The following ARMH4 variants were observed in gnomAD, a reference collection of about 807,000 sequenced individuals.
ARMH4 encodes the protein armadillo-like helical domain-containing protein 4.
ARMH4 carries 49 observed loss-of-function variants against 61.9 expected under a neutral mutation model. The ratio of observed to expected loss-of-function variants is 0.79; its 90% CI spans 0.63 to 1.00. The LOEUF (loss-of-function observed/expected upper bound fraction) is 1.00, where lower values mean the gene tolerates loss of function less well. Ranked by LOEUF, ARMH4 falls within the 50% of genes least tolerant of loss-of-function variation. ARMH4 has a pLI of 0.00. For missense variants in ARMH4, 934 were observed against 930.0 expected (o/e 1.00, Z -0.06); for synonymous variants, 368 against 341.5 (o/e 1.08, Z -0.85).
intron 4 of ARMH4, among the ~76,000 whole-genome samples, chr14:58,114,215 G>C (rs1886447008): frequency 6.6e-6 from 1 of 152,124 alleles, no homozygotes; most frequent in Non-Finnish European, 1.5e-5. Flanking sequence ...GGAAGTCAGG[G>C]TGTGATACAA....
In ARMH4 at chr14:58,004,785, A is replaced by G; in HGVS notation, c.2276T>C (p.Met759Thr). The G allele has an allele frequency of 1.2e-6, 2 of 1,611,724 alleles. No individual in the cohort carries two copies. Among genetic ancestry groups the G allele is most frequent in the Non-Finnish European group, 1.7e-6 (2 of 1,177,994 alleles). ...HKRKQREFNS[M>T]QDRVMLLADS... ...GGCTAAGAGCATTACTCGATCTTGC[A>G]TGCTGTTGAATTCTCTCTGCTAGAG... Residue 759 changes from methionine (M) to threonine (T), a missense_variant, in exon 8 of 8, where the codon ATG becomes ACG. Physicochemically the swap from Met to Thr is moderately conservative, Grantham distance 81. Transcript: ENST00000267485.
Position 58,128,246 on chromosome 14 carries a change from CTAATCAGAAATTT to C in ARMH4, c.1831+3253_1831+3265del, listed in dbSNP as rs370922581. On this transcript the variant is annotated intron_variant, in intron 4 of 7. Transcript: ENST00000267485. ...ATAAATTCCAGGTATGTTTTCAAGA[CTAATCAGAAATTT>C]TAAGTTGGCATTTTAGAGCAGGAAA... is the stretch of plus-strand genomic sequence containing the variant. 2.4e-3 allele frequency among the ~76,000 whole-genome samples: 371 copies of C among 152,222 alleles called. 1 individual carries two copies. The highest frequency in any genetic ancestry group is 8.2e-3 in the African/African-American group (341 of 41,536).
chr14:58,029,757 G>T (rs1035084447), intron 5 of ARMH4, among the ~76,000 whole-genome samples: 1 of 152,164 alleles, frequency 6.6e-6, no homozygotes, highest in Non-Finnish European at 1.5e-5. Flanking sequence ...TTGCTGGTGG[G>T]AACATAAAAT....
chr14:58,076,681 G>C (rs1241063013), intron 5 of ARMH4, among the ~76,000 whole-genome samples: 1 of 152,092 alleles, frequency 6.6e-6, no homozygotes, highest in East Asian at 1.9e-4. Flanking sequence ...TGAGAACAAA[G>C]CTTTGGAAAA....
At position 58,138,445 on chromosome 14, in the gene ARMH4, G is replaced by A; in HGVS notation, c.914C>T (p.Pro305Leu). 1 of 1,614,234 alleles carries A rather than the reference G, an allele frequency of 6.2e-7. No individual in the cohort carries two copies. ...EVTVSVSTAVPAASALSDEWD... is the reference protein window; with the variant it reads ...EVTVSVSTAVLAASALSDEWD... ...CTCATCACTTAAGGCAGAGGCAGCT[G>A]GAACAGCTGTGCTGACACTCACTGT... is the stretch of plus-strand genomic sequence containing the variant. The change falls in exon 2 of 8, where the codon CCA (proline) becomes CTA (leucine). Residue 305 changes from proline (P) to leucine (L), a missense_variant. Pro to Leu is a moderately conservative substitution (Grantham distance 98). Transcript: ENST00000267485.
chr14:58,117,894 G>T (rs1886584176), intron 4 of ARMH4, among the ~76,000 whole-genome samples: 1 of 150,886 alleles, frequency 6.6e-6, no homozygotes, highest in Admixed American at 6.6e-5. Context: ...GAACAGCTGA[G>T]ACTACAGGTA....
chr14:58,069,379 A>G lies in ARMH4; in HGVS notation c.2089+27345T>C, dbSNP rs78060766. Among the ~76,000 whole-genome samples, 1,299 of 152,350 alleles carry G rather than the reference A, an allele frequency of 8.5e-3. 26 individuals are homozygous for G. Among genetic ancestry groups the G allele is most frequent in the African/African-American group, 0.029 (1,218 of 41,578 alleles). On this transcript the variant is annotated intron_variant, in intron 5 of 7. Coordinates refer to ENST00000267485, the MANE Select transcript of ARMH4 (RefSeq NM_001001872.4). ...TAAATTTTCTGCCTTCAAGTAGCTC[A>G]CAATCTCATATGACAGACATTTAAA...
intron 1 of ARMH4, among the ~76,000 whole-genome samples, chr14:58,140,791 T>C (rs1887518830): frequency 6.6e-6 from 1 of 151,916 alleles, no homozygotes; most frequent in East Asian, 1.9e-4. Context: ...TAATCCCAGC[T>C]CCTTGGGAGG....
At chr14:58,060,747 A>G (rs1024728860) in intron 5 of ARMH4, among the ~76,000 whole-genome samples, 1 of 152,204 alleles carries the variant, frequency 6.6e-6, no homozygotes, top group Non-Finnish European at 1.5e-5. Context: ...AATGAAAACC[A>G]GGGAGAAAAG....
At chr14:58,103,723 G>C (rs913758665) in intron 4 of ARMH4, among the ~76,000 whole-genome samples, 1 of 151,984 alleles carries the variant, frequency 6.6e-6, no homozygotes, top group African/African-American at 2.4e-5. Context: ...CAAAGTACTG[G>C]ATTACAGCTG....
At chr14:58,134,946 G>C (rs931582479) in intron 2 of ARMH4, among the ~76,000 whole-genome samples, 1 of 130,052 alleles carries the variant, frequency 7.7e-6, no homozygotes, top group Non-Finnish European at 1.5e-5. Context: ...GACAGAGGGA[G>C]ACTCTGTCTC....
intron 5 of ARMH4, among the ~76,000 whole-genome samples, chr14:58,029,399 A>G (rs180687558): frequency 1.3e-5 from 2 of 152,174 alleles, no homozygotes; most frequent in Non-Finnish European, 2.9e-5. Context: ...ATGCCCAGCT[A>G]ATTTTTGTAT....
At chr14:58,029,453 C>T (rs552858821) in intron 5 of ARMH4, among the ~76,000 whole-genome samples, 22 of 152,230 alleles carry the variant, frequency 1.4e-4, no homozygotes, top group African/African-American at 5.1e-4. Flanking sequence ...AGGCTGGTCT[C>T]GAACTCCTGA....
intron 4 of ARMH4, among the ~76,000 whole-genome samples, chr14:58,123,221 G>A (rs1886785857): frequency 6.6e-6 from 1 of 152,146 alleles, no homozygotes; most frequent in South Asian, 2.1e-4. Flanking sequence ...TTATACACCT[G>A]AACATAGGAG....
intron 5 of ARMH4, among the ~76,000 whole-genome samples, chr14:58,028,763 T>C (rs1167315298): frequency 6.6e-6 from 1 of 152,278 alleles, no homozygotes; most frequent in African/African-American, 2.4e-5. Context: ...CCAAGATCAG[T>C]TGCATATTTA....
intron 4 of ARMH4, among the ~76,000 whole-genome samples, chr14:58,098,198 T>C (rs17832843): frequency 0.02 from 3,079 of 152,332 alleles, 54 homozygotes; most frequent in Middle Eastern, 0.051. Flanking sequence ...TCTCCACCCA[T>C]ACTACCTTTC....
chr14:58,082,460 C>T (rs7143063), intron 5 of ARMH4, among the ~76,000 whole-genome samples: 66,052 of 151,932 alleles, frequency 0.43, 14,616 homozygotes, highest in Non-Finnish European at 0.46. Context: ...CTTTTTCAAG[C>T]TAAGGAAATT....
intron 4 of ARMH4, among the ~76,000 whole-genome samples, chr14:58,111,532 G>T (rs1465599707): frequency 6.6e-6 from 1 of 152,164 alleles, no homozygotes; most frequent in African/African-American, 2.4e-5. Flanking sequence ...TCACAGTTTT[G>T]GAGGTTAGAA....
intron 5 of ARMH4, among the ~76,000 whole-genome samples, chr14:58,088,791 GT>G (rs200156314): frequency 2.6e-5 from 4 of 151,806 alleles, no homozygotes; most frequent in African/African-American, 7.3e-5. Flanking sequence ...AAAGCTGAGG[GT>G]TTTTTTTAAG....
Sources: gnomAD v4.1 joint callset for allele counts (sites outside exome capture counted in the v4.1 genomes callset) on GRCh38, gnomAD v4.1.1 for gene constraint, MANE v1.5 for transcripts, NCBI Gene and HGNC (gene_info 2026-07-23, HGNC 2026-07-21) for gene names.